MICAL2: variants seen among roughly 807,000 people sequenced by gnomAD.
The protein encoded by MICAL2 is [F-actin]-monooxygenase MICAL2.
Under a neutral mutation model 127.3 loss-of-function variants are expected in MICAL2, and 77 were observed. That is an observed-to-expected ratio of 0.60 (90% confidence interval 0.50 to 0.73). The LOEUF is 0.73. Among genes scored for constraint, MICAL2 ranks in the 30% least tolerant of loss-of-function variants. MICAL2 has a pLI of 0.00. For missense variants in MICAL2, 1,351 were observed against 1,434.4 expected (o/e 0.94, Z 0.94); for synonymous variants, 570 against 551.1 (o/e 1.03, Z -0.48).
chr11:12,272,220 C>T (rs991509345), upstream of MICAL2, among the ~76,000 whole-genome samples: 2 of 152,162 alleles, frequency 1.3e-5, no homozygotes, highest in African/African-American at 2.4e-5. Context: ...CTTGGCCACC[C>T]GCAGCCGCCT....
chr11:12,302,193 T>C (rs1478698176), intron 29 of MICAL2, among the ~76,000 whole-genome samples: 1 of 152,190 alleles, frequency 6.6e-6, no homozygotes, highest in African/African-American at 2.4e-5. Flanking sequence ...GTTCTTTTCA[T>C]AGGCCAAGGT....
chr11:12,318,292 TCA>T (rs1864253087), intron 29 of MICAL2, among the ~76,000 whole-genome samples: 1 of 152,216 alleles, frequency 6.6e-6, no homozygotes, highest in African/African-American at 2.4e-5. Flanking sequence ...ACTGAATTAC[TCA>T]GTGGTCATTT....
At position 12,348,153 on chromosome 11, in the gene MICAL2, C is replaced by CAAAAA. The variant is rs57602704; in HGVS notation, c.5516-1668_5516-1664dup. ...TGGGCAACAGAGAAAGACTCTGTCT[C>CAAAAA]AAAAAAAAAAAAAAAAAAAAAGGCA... is the stretch of plus-strand genomic sequence containing the variant. On this transcript the variant is annotated intron_variant, in intron 32 of 34. Coordinates refer to the MICAL2 transcript ENST00000646065. 1.5e-3 allele frequency among the ~76,000 whole-genome samples: 116 copies of CAAAAA among 79,118 alleles called. 4 individuals are homozygous for CAAAAA. The highest frequency in any genetic ancestry group is 4.9e-3 in the African/African-American group (101 of 20,414). The allele number at this position is 79,118 out of a possible 152,430, so 51.9% of individuals were successfully genotyped here.
chr11:12,347,120 G>A (rs1405830801), intron 32 of MICAL2, among the ~76,000 whole-genome samples: 1 of 151,328 alleles, frequency 6.6e-6, no homozygotes, highest in African/African-American at 2.4e-5. Context: ...ATTGCCTTGT[G>A]TTTCCTCAAG....
At chr11:12,185,936 T>G (rs533835454) in intron 3 of MICAL2, among the ~76,000 whole-genome samples, 4 of 152,348 alleles carry the variant, frequency 2.6e-5, no homozygotes, top group South Asian at 2.1e-4. Context: ...ACATATGATG[T>G]GCTTCCCAGG....
chr11:12,342,745 C>T (rs1489018334), intron 32 of MICAL2, among the ~76,000 whole-genome samples: 6 of 152,216 alleles, frequency 3.9e-5, no homozygotes, highest in Admixed American at 3.9e-4. Context: ...CCATTTTCCA[C>T]AGGAGGAGAC....
intron 32 of MICAL2, among the ~76,000 whole-genome samples, chr11:12,346,260 G>T (rs1014750159): frequency 6.6e-6 from 1 of 152,150 alleles, no homozygotes; most frequent in African/African-American, 2.4e-5. Context: ...TCTACCATGT[G>T]TATTGTATGA....
chr11:12,349,954 A>G lies in MICAL2; in HGVS notation c.5615+17A>G, dbSNP rs1939019563. ...CCTAATCATGTAAGTAAGGCAACAC[A>G]GATACCAGCGAGTCCTAAAAGCAAA... On this transcript the variant is annotated intron_variant, in intron 33 of 34. Coordinates refer to the MICAL2 transcript ENST00000646065. 4.4e-6 allele frequency: 7 copies of G among 1,606,752 alleles called. No homozygotes were observed. In the East Asian group the frequency reaches 1.3e-4, roughly 31 times the overall value.
intron 32 of MICAL2, among the ~76,000 whole-genome samples, chr11:12,345,131 A>AAAAAAAAAAAAAAG (rs1427548449): frequency 9.3e-5 from 14 of 151,104 alleles, no homozygotes; most frequent in African/African-American, 3.0e-4. Context: ...AAAAAAAGAA[A>AAAAAAAAAAAAAAG]AAAGAAAGAA....
intron 24 of MICAL2, chr11:12,257,291 C>CATTTTTT: frequency 3.7e-6 from 1 of 272,310 alleles, no homozygotes; most frequent in East Asian, 6.5e-5. Flanking sequence ...CAAGAAAATC[C>CATTTTTT]AACCTGATAC....
At chr11:12,141,480 GA>G (rs1172536037) in intron 2 of MICAL2, among the ~76,000 whole-genome samples, 1 of 152,108 alleles carries the variant, frequency 6.6e-6, no homozygotes, top group Non-Finnish European at 1.5e-5. Context: ...CTTTCATCCT[GA>G]TCTTTGTAGC....
At chr11:12,209,457 CCT>C (rs1855161012) in intron 5 of MICAL2, 38 bp from the exon 6 acceptor site, 2 of 1,507,974 alleles carry the variant, frequency 1.3e-6, no homozygotes, top group Non-Finnish European at 1.8e-6. Flanking sequence ...TCTCTTCCCA[CCT>C]CTCTCTGCCA....
intron 5 of MICAL2, 144 bp from the exon 6 acceptor site, chr11:12,209,353 T>G: frequency 2.9e-6 from 2 of 680,706 alleles, no homozygotes. Context: ...GAATCTGGAC[T>G]GCTCTAGCCT....
chr11:12,242,056 A>G, intron 18 of MICAL2, 158 bp from the exon 19 acceptor site: 1 of 585,400 alleles, frequency 1.7e-6, no homozygotes, highest in Non-Finnish European at 2.9e-6. Flanking sequence ...ATTTTGATGC[A>G]GGTGGTGGAG....
chr11:12,148,826 G>A (rs931913460), intron 2 of MICAL2, among the ~76,000 whole-genome samples: 2 of 110,168 alleles, frequency 1.8e-5, no homozygotes, highest in South Asian at 4.5e-4. Context: ...GGCCCAGGGA[G>A]GGCAAATTAT....
chr11:12,220,290 C>T lies in MICAL2; in HGVS notation c.1038C>T (p.Ala346=). 1 of 1,614,218 alleles carries T rather than the reference C, an allele frequency of 6.2e-7. No individual in the cohort carries two copies. Among genetic ancestry groups the T allele is most frequent in the Non-Finnish European group, 8.5e-7 (1 of 1,180,034 alleles). ...ATGCCCGGGAAGCTGCAGACTTTGC[C>T]ACCAACTACCAGCTGCCATCCTTAG... ...LSYAREAADF[A]TNYQLPSLDF... is the part of the protein sequence containing the mutation. The change falls in exon 9 of 28, where the codon GCC becomes GCT. Residue 346 remains alanine, a synonymous_variant. Transcript: ENST00000683283.
chr11:12,122,245 A>AC (rs759033698), intron 1 of MICAL2, among the ~76,000 whole-genome samples: 1 of 152,050 alleles, frequency 6.6e-6, no homozygotes, highest in Non-Finnish European at 1.5e-5. Context: ...GGCGTAGCAC[A>AC]CCTCTCATGG....
At chr11:12,323,017 T>C (rs1046135148) in intron 30 of MICAL2, among the ~76,000 whole-genome samples, 1 of 152,182 alleles carries the variant, frequency 6.6e-6, no homozygotes, top group Non-Finnish European at 1.5e-5. Flanking sequence ...ACAACTCAGC[T>C]GGGATTGGAT....
At chr11:12,288,603 G>C (rs185089161), downstream of MICAL2, among the ~76,000 whole-genome samples, 11 of 152,340 alleles carry the variant, frequency 7.2e-5, no homozygotes, top group Non-Finnish European at 1.3e-4. Flanking sequence ...TGAGGGCAGG[G>C]CTTGAGTTTT....
Sources: gnomAD v4.1 joint callset for allele counts (sites outside exome capture counted in the v4.1 genomes callset) on GRCh38, gnomAD v4.1.1 for gene constraint, MANE v1.5 for transcripts, NCBI Gene and HGNC (gene_info 2026-07-23, HGNC 2026-07-21) for gene names.